Variants in FYB1 observed in about 807,000 individuals in gnomAD.
FYB1 encodes FYN-binding protein 1.
In FYB1, 41 loss-of-function variants were observed where a neutral mutation model predicts 94.1. The ratio of observed to expected loss-of-function variants is 0.44; its 90% CI spans 0.34 to 0.57. FYB1 has a LOEUF of 0.57. FYB1 is among the 20% of genes least tolerant of loss of function. The pLI is 0.02. For missense variants in FYB1, 1,050 were observed against 976.8 expected (o/e 1.07, Z -1.00); for synonymous variants, 367 against 353.2 (o/e 1.04, Z -0.44).
intron 2 of FYB1, among the ~76,000 whole-genome samples, chr5:39,170,920 T>C (rs1275574555): frequency 2.0e-5 from 3 of 152,214 alleles, no homozygotes; most frequent in Non-Finnish European, 4.4e-5. Flanking sequence ...TTGTACTCCC[T>C]GCTCTCTGAT....
chr5:39,201,033 C>CT (rs1748269607), intron 2 of FYB1, among the ~76,000 whole-genome samples: 1 of 152,174 alleles, frequency 6.6e-6, no homozygotes, highest in Admixed American at 6.5e-5. Context: ...TAAAGTACTC[C>CT]TTTGTCTGGC....
intron 1 of FYB1, among the ~76,000 whole-genome samples, chr5:39,237,338 C>T (rs1007040669): frequency 6.6e-6 from 1 of 151,930 alleles, no homozygotes; most frequent in African/African-American, 2.4e-5. Context: ...AGTAAAAGGG[C>T]AAATACGAAA....
intron 2 of FYB1, among the ~76,000 whole-genome samples, chr5:39,167,434 T>G (rs1215790796): frequency 6.6e-6 from 1 of 152,218 alleles, no homozygotes; most frequent in African/African-American, 2.4e-5. Flanking sequence ...AAACTACCAT[T>G]GTTTATCTTT....
intron 1 of FYB1, among the ~76,000 whole-genome samples, chr5:39,233,549 T>C (rs1193406987): frequency 6.6e-6 from 1 of 152,214 alleles, no homozygotes; most frequent in Admixed American, 6.5e-5. Flanking sequence ...ATTTACTTAT[T>C]AATGCATTTA....
rs1748345400 is a variant in FYB1, at chr5:39,201,872, T to C, written c.1089A>G (p.Pro363=). ...LGPPPPKPNR[P]PNVDLTKFHK... Reference sequence around the variant, plus strand: ...GGAATTTCGTCAGGTCAACATTTGGTGGTCTGTTGGGTTTTGGTGGAGGTG... The same window carrying C: ...GGAATTTCGTCAGGTCAACATTTGGCGGTCTGTTGGGTTTTGGTGGAGGTG... Residue 363 remains proline, a synonymous_variant, in exon 2 of 19, where the codon CCA becomes CCG. Coordinates refer to ENST00000512982, the MANE Select transcript of FYB1 (RefSeq NM_001465.6). 6.2e-7 allele frequency: 1 copy of C among 1,613,736 alleles called. No homozygotes were observed. The highest frequency in any genetic ancestry group is 1.3e-5 in the African/African-American group (1 of 74,900).
intron 3 of FYB1, among the ~76,000 whole-genome samples, chr5:39,150,740 C>T (rs1486123214): frequency 6.6e-6 from 1 of 152,206 alleles, no homozygotes; most frequent in Non-Finnish European, 1.5e-5. Flanking sequence ...ATACACCCAA[C>T]ATATGGACAC....
intron 1 of FYB1, among the ~76,000 whole-genome samples, chr5:39,230,828 C>T (rs1370860880): frequency 1.4e-5 from 2 of 145,286 alleles, no homozygotes; most frequent in African/African-American, 5.2e-5. Flanking sequence ...AGAACTTAGA[C>T]TTCCCTGTCT....
chr5:39,270,581 A>G, intron 1 of FYB1: 1 of 1,535,222 alleles, frequency 6.5e-7, no homozygotes. Context: ...TTTTTATTGA[A>G]AAGAGTTGAT....
intron 1 of FYB1, among the ~76,000 whole-genome samples, chr5:39,215,290 T>C (rs112864039): frequency 6.6e-6 from 1 of 152,170 alleles, no homozygotes; most frequent in Non-Finnish European, 1.5e-5. Flanking sequence ...ATGTCAAACA[T>C]CTAATATGAA....
intron 1 of FYB1, among the ~76,000 whole-genome samples, chr5:39,207,426 T>C (rs1276566676): frequency 6.6e-6 from 1 of 152,206 alleles, no homozygotes. Context: ...TGGGAAAATG[T>C]CTGTTAACAA....
At chr5:39,268,653 G>A (rs180940931) in intron 1 of FYB1, among the ~76,000 whole-genome samples, 7 of 151,856 alleles carry the variant, frequency 4.6e-5, no homozygotes, top group African/African-American at 1.2e-4. Context: ...TGCAACCTCC[G>A]TCTCCCAGGT....
intron 2 of FYB1, among the ~76,000 whole-genome samples, chr5:39,186,414 C>T (rs970050337): frequency 1.3e-5 from 2 of 152,036 alleles, no homozygotes; most frequent in Non-Finnish European, 2.9e-5. Flanking sequence ...CAGAGTGAGA[C>T]TCCATCTCAA....
intron 1 of FYB1, among the ~76,000 whole-genome samples, chr5:39,264,245 T>A (rs1182130907): frequency 1.3e-5 from 2 of 152,162 alleles, no homozygotes; most frequent in Non-Finnish European, 2.9e-5. Flanking sequence ...ATAATAATAA[T>A]CCTTATAGGA....
chr5:39,137,898 G>T (rs1297773055), intron 6 of FYB1, 178 bp from the exon 7 acceptor site: 2 of 716,822 alleles, frequency 2.8e-6, no homozygotes, highest in Non-Finnish European at 2.2e-6. Flanking sequence ...ACCAGTAGGA[G>T]GCACACTGCT....
chr5:39,112,546 A>C (rs1257126803), intron 16 of FYB1, among the ~76,000 whole-genome samples: 1 of 152,070 alleles, frequency 6.6e-6, no homozygotes, highest in East Asian at 1.9e-4. Flanking sequence ...AAATGAAGAG[A>C]ATGTAATCAC....
chr5:39,200,095 G>GGCTAC, intron 2 of FYB1, among the ~76,000 whole-genome samples: 1 of 152,304 alleles, frequency 6.6e-6, no homozygotes, highest in Non-Finnish European at 1.5e-5. Context: ...GATTTAAAAT[G>GGCTAC]TGAACTGTGG....
intron 10 of FYB1, among the ~76,000 whole-genome samples, chr5:39,129,784 A>G (rs1348976828): frequency 2.6e-5 from 4 of 152,046 alleles, no homozygotes; most frequent in Non-Finnish European, 5.9e-5. Context: ...TGATGCTGGC[A>G]AGGATGTGGA....
intron 2 of FYB1, among the ~76,000 whole-genome samples, chr5:39,168,413 A>T (rs1744934837): frequency 6.6e-6 from 1 of 152,222 alleles, no homozygotes; most frequent in African/African-American, 2.4e-5. Context: ...TTCTTCCATT[A>T]ACTTTTTTTT....
At chr5:39,135,364 G>C (rs936058013) in intron 7 of FYB1, among the ~76,000 whole-genome samples, 4 of 152,220 alleles carry the variant, frequency 2.6e-5, no homozygotes, top group African/African-American at 9.6e-5. Context: ...TATCTTTATG[G>C]AATATGCCAG....
Sources: allele counts gnomAD v4.1 joint callset (sites outside exome capture counted in the v4.1 genomes callset), GRCh38; gene constraint gnomAD v4.1.1; transcripts MANE v1.5; gene names NCBI Gene and HGNC (gene_info 2026-07-23, HGNC 2026-07-21).